The following MAST4 variants were observed in gnomAD, a reference collection of about 807,000 sequenced individuals.
MAST4 encodes the protein microtubule associated serine/threonine kinase family member 4.
In MAST4, 89 loss-of-function variants were observed where a neutral mutation model predicts 162.7. The observed-to-expected ratio is 0.55, with a 90% CI of 0.46 to 0.65. The LOEUF is 0.65. MAST4 is among the 30% of genes least tolerant of loss of function. The pLI, the probability that MAST4 is intolerant of heterozygous loss-of-function variation, is 0.00. For synonymous variants in MAST4, 1,479 were observed against 1,361.1 expected, an observed-to-expected ratio of 1.09 and a Z score of -1.91; for missense variants, 3,153 against 3,374.0, an observed-to-expected ratio of 0.93 and a Z score of 1.62.
At chr5:67,085,416 A>C (rs938833777) in intron 5 of MAST4, among the ~76,000 whole-genome samples, 1 of 152,164 alleles carries the variant, frequency 6.6e-6, no homozygotes, top group East Asian at 1.9e-4. Flanking sequence ...CTCTTTCTAA[A>C]ACGTAAATAA....
Position 66,684,357 on chromosome 5 carries a change from A to ACCAGGAGC in MAST4, c.364-75352_364-75351insCCAGGAGC, listed in dbSNP as rs1748507478. On this transcript the variant is annotated intron_variant, in intron 1 of 28. Coordinates refer to ENST00000403625, the MANE Select transcript of MAST4 (RefSeq NM_001164664.2). ...ATGTAGTGCTTCTTTTCTTCCAGCT[A>ACCAGGAGC]TTTTTTTTTCTCTTTTCTTTTTTAT... is the stretch of plus-strand genomic sequence containing the variant. 7.9e-5 allele frequency among the ~76,000 whole-genome samples: 12 copies of ACCAGGAGC among 151,630 alleles called. No homozygotes were observed. The South Asian group carries it at 2.5e-3, about 32-fold the overall frequency.
intron 4 of MAST4, among the ~76,000 whole-genome samples, chr5:67,000,783 T>C (rs1751206780): frequency 1.3e-5 from 2 of 149,428 alleles, no homozygotes; most frequent in Non-Finnish European, 3.0e-5. Flanking sequence ...TGTCAACAGG[T>C]GGGCAGTAGA....
chr5:67,082,580 C>CTAAAGGACATTATTTGGACAA (rs1355748628), intron 5 of MAST4, among the ~76,000 whole-genome samples: 4 of 152,064 alleles, frequency 2.6e-5, no homozygotes, highest in Non-Finnish European at 4.4e-5. Flanking sequence ...GAGAATAGCT[C>CTAAAGGACATTATTTGGACAA]TAAAGGACAT....
chr5:66,697,511 C>G (rs1412979728), intron 1 of MAST4, among the ~76,000 whole-genome samples: 2 of 152,126 alleles, frequency 1.3e-5, no homozygotes, highest in African/African-American at 4.8e-5. Flanking sequence ...AAGTCTGTTA[C>G]AATAGTCCTT....
At chr5:66,835,657 T>C (rs916858456) in intron 3 of MAST4, among the ~76,000 whole-genome samples, 25 of 152,210 alleles carry the variant, frequency 1.6e-4, no homozygotes, top group African/African-American at 5.5e-4. Context: ...CAACCACCAA[T>C]CATTTTGTTG....
intron 1 of MAST4, among the ~76,000 whole-genome samples, chr5:66,755,850 T>C (rs1580375803): frequency 6.6e-6 from 1 of 152,326 alleles, no homozygotes; most frequent in Middle Eastern, 3.4e-3. Flanking sequence ...TATGTGCTTT[T>C]AATTCATCTT....
chr5:67,013,625 G>A (rs551628522), intron 4 of MAST4, among the ~76,000 whole-genome samples: 130 of 151,584 alleles, frequency 8.6e-4, no homozygotes, highest in Admixed American at 1.2e-3. Flanking sequence ...TCTCAGCTAT[G>A]AAATCTGTAG....
intron 1 of MAST4, among the ~76,000 whole-genome samples, chr5:66,686,441 T>C (rs1348735833): frequency 1.3e-5 from 2 of 152,166 alleles, no homozygotes; most frequent in African/African-American, 4.8e-5. Flanking sequence ...TTGCTAATTT[T>C]GAGATTTAAA....
chr5:66,659,189 A>T (rs1233756035), intron 1 of MAST4, among the ~76,000 whole-genome samples: 2 of 152,114 alleles, frequency 1.3e-5, no homozygotes, highest in East Asian at 1.9e-4. Flanking sequence ...CAAGCCAGGA[A>T]CAGCCTGAAG....
At chr5:67,026,681 T>G (rs1291022346) in intron 4 of MAST4, among the ~76,000 whole-genome samples, 2 of 152,186 alleles carry the variant, frequency 1.3e-5, no homozygotes, top group Non-Finnish European at 2.9e-5. Context: ...TCTATCATGG[T>G]CATTTATGCT....
intron 9 of MAST4, among the ~76,000 whole-genome samples, chr5:67,103,540 T>G (rs759397190): frequency 5.9e-5 from 9 of 152,006 alleles, no homozygotes. Flanking sequence ...GGAGAGGGAG[T>G]CTCCCTGCAT....
At chr5:66,799,768 T>A (rs552952435) in intron 3 of MAST4, among the ~76,000 whole-genome samples, 1 of 152,178 alleles carries the variant, frequency 6.6e-6, no homozygotes, top group Non-Finnish European at 1.5e-5. Context: ...ATAGGCAGTT[T>A]AGAGTAATGT....
chr5:67,094,304 A>G lies in MAST4; in HGVS notation c.834-1293A>G, dbSNP rs551043351. On this transcript the variant is annotated intron_variant, in intron 6 of 28. Coordinates refer to ENST00000403625, the MANE Select transcript of MAST4 (RefSeq NM_001164664.2). ...CCTATAATTTTATTTTCCTACGAAT[A>G]TAAATTTAGGCTAAAATGTCAGTTT... The G allele has an allele frequency of 3.5e-5, 16 of 460,680 alleles. No individual in the cohort carries two copies. The South Asian group carries it at 8.9e-4, about 26-fold the overall frequency. The allele number at this position is 460,680 out of a possible 1,614,324, so 28.5% of individuals were successfully genotyped here. A position where few individuals can be genotyped will look rare whatever the true frequency, so the allele number is the denominator to read the frequency against.
At chr5:67,053,444 TAGG>T (rs1758423853) in intron 4 of MAST4, among the ~76,000 whole-genome samples, 1 of 152,146 alleles carries the variant, frequency 6.6e-6, no homozygotes, top group Admixed American at 6.5e-5. Context: ...CAGCACAGTG[TAGG>T]AGGATAGAAG....
intron 1 of MAST4, among the ~76,000 whole-genome samples, chr5:66,747,501 G>T (rs151096027): frequency 2.4e-4 from 36 of 152,260 alleles, no homozygotes; most frequent in Admixed American, 7.8e-4. Flanking sequence ...GAATTGCAGT[G>T]AACAGTTAAA....
In MAST4 at chr5:66,975,996, T is replaced by TA. The variant is rs58242048; in HGVS notation, c.674+76023dup. Among the ~76,000 whole-genome samples the TA allele has an allele frequency of 8.5e-3, 1,288 of 151,296 alleles. 20 individuals carry two copies. The highest frequency in any genetic ancestry group is 0.03 in the African/African-American group (1,223 of 41,292). On this transcript the variant is annotated intron_variant, in intron 4 of 28. Transcript: ENST00000403625. ...CAGGGTGACAGAGCTAGACTCCATC[T>TA]AAAAAAAAATGCTGTTTAACTTTCC...
chr5:66,986,263 G>A (rs965767454), intron 4 of MAST4, among the ~76,000 whole-genome samples: 13 of 152,178 alleles, frequency 8.5e-5, no homozygotes, highest in Admixed American at 7.9e-4. Context: ...GCTGGGAAGG[G>A]CAAGGAAGAA....
At chr5:66,721,891 A>C (rs1424892615) in intron 1 of MAST4, among the ~76,000 whole-genome samples, 1 of 151,968 alleles carries the variant, frequency 6.6e-6, no homozygotes, top group Non-Finnish European at 1.5e-5. Flanking sequence ...TATACTCCGT[A>C]TCTAGGCTAT....
At chr5:67,161,255 A>T (rs1773150484) in intron 27 of MAST4, among the ~76,000 whole-genome samples, 1 of 152,194 alleles carries the variant, frequency 6.6e-6, no homozygotes, top group Non-Finnish European at 1.5e-5. Flanking sequence ...GAGTCACATC[A>T]TATTAAAAGG....
Sources: allele counts gnomAD v4.1 joint callset (sites outside exome capture counted in the v4.1 genomes callset), GRCh38; gene constraint gnomAD v4.1.1; transcripts MANE v1.5; gene names NCBI Gene and HGNC (gene_info 2026-07-23, HGNC 2026-07-21).